Variants in ERAP2 observed in about 807,000 individuals in gnomAD.
ERAP2 encodes the protein endoplasmic reticulum aminopeptidase 2.
In ERAP2, 118 loss-of-function variants were observed where a neutral mutation model predicts 111.1. The observed-to-expected ratio is 1.06, with a 90% CI of 0.92 to 1.24. ERAP2 has a LOEUF of 1.24. Ranked by LOEUF, ERAP2 falls within the 50% of genes most tolerant of loss-of-function variation. The pLI is 0.00. For synonymous variants in ERAP2, 410 were observed against 401.2 expected (o/e 1.02, Z -0.26); for missense variants, 1,131 against 1,125.8 (o/e 1.00, Z -0.07).
rs964589384 is a variant in ERAP2 at position 96,902,996 on chromosome 5, C to A, written c.1829-381C>A. Among the ~76,000 whole-genome samples the A allele has an allele frequency of 5.3e-5, 8 of 152,250 alleles. No individual in the cohort carries two copies. In the South Asian group the frequency reaches 1.7e-3, roughly 32 times the overall value. On this transcript the variant is annotated intron_variant, in intron 12 of 18. Coordinates refer to ENST00000437043, the MANE Select transcript of ERAP2 (RefSeq NM_022350.5). ...TCTTTACTAAAATGAACAAATGGAT[C>A]ACCTATTTACACATACATATTTCAA...
At chr5:96,904,516 T>C (rs2548529) in intron 13 of ERAP2, among the ~76,000 whole-genome samples, 75,904 of 151,964 alleles carry the variant, frequency 0.5, 19,143 homozygotes, top group Admixed American at 0.57. Context: ...TAATCCTCAG[T>C]CCCGTGGGTC....
intron 13 of ERAP2, among the ~76,000 whole-genome samples, chr5:96,904,272 A>T (rs919236397): frequency 6.6e-6 from 1 of 152,214 alleles, no homozygotes; most frequent in African/African-American, 2.4e-5. Context: ...ATCAGGTCAC[A>T]AGATCACCAA....
At position 96,892,318 on chromosome 5, in the gene ERAP2, C is replaced by G; in HGVS notation, c.990C>G (p.Asp330Glu). 1 of 1,613,922 alleles carries G rather than the reference C, an allele frequency of 6.2e-7. No individual in the cohort carries two copies. The highest frequency in any genetic ancestry group is 8.5e-7 in the Non-Finnish European group (1 of 1,179,862). ...LSKLDLIAIP[D>E]FAPGAMENWG... The stretch of plus-strand genomic sequence containing the variant: ...TCTTAGATTTAATTGCTATTCCTGA[C>G]TTTGCACCTGGAGCCATGGAAAATT... The change falls in exon 6 of 19, where the codon GAC becomes GAG. Residue 330 changes from aspartate to glutamate, a missense_variant. Asp to Glu is a conservative substitution (Grantham distance 45). Transcript: ENST00000437043.
chr5:96,896,114 T>C, intron 7 of ERAP2, among the ~76,000 whole-genome samples: 1 of 152,158 alleles, frequency 6.6e-6, no homozygotes, highest in East Asian at 1.9e-4. Context: ...TTTATTTCTG[T>C]ATTCAAGGGC....
chr5:96,916,243 A>G (rs1581922739), intron 18 of ERAP2, among the ~76,000 whole-genome samples: 2 of 116,934 alleles, frequency 1.7e-5, no homozygotes, highest in South Asian at 5.4e-4. Context: ...AACAAAAACA[A>G]AAACAAAAAA....
intron 3 of ERAP2, among the ~76,000 whole-genome samples, chr5:96,884,959 A>G (rs982176398): frequency 7.4e-5 from 7 of 94,166 alleles, no homozygotes; most frequent in Non-Finnish European, 1.5e-4. Context: ...AGTGTTTTGT[A>G]CTTGAGATTA....
Position 96,879,839 on chromosome 5 carries a change from G to T in ERAP2, c.154G>T (p.Ala52Ser). ...SSYHFTEDPG[A>S]FPVATNGERF... ...TTATCACTTCACTGAGGATCCTGGG[G>T]CTTTCCCAGTAGCCACTAATGGGGA... The change falls in exon 2 of 19, where the codon GCT becomes TCT. Residue 52 changes from alanine to serine, a missense_variant. Physicochemically the swap from Ala to Ser is moderately conservative, Grantham distance 99. Coordinates refer to ENST00000437043, the MANE Select transcript of ERAP2 (RefSeq NM_022350.5). 1.2e-6 allele frequency: 2 copies of T among 1,614,078 alleles called. No individual in the cohort carries two copies. Among genetic ancestry groups the T allele is most frequent in the Non-Finnish European group, 1.7e-6 (2 of 1,180,018 alleles).
intron 1 of ERAP2, among the ~76,000 whole-genome samples, chr5:96,878,325 C>G (rs746872444): frequency 5.3e-5 from 8 of 152,094 alleles, no homozygotes; most frequent in Non-Finnish European, 8.8e-5. Context: ...CCTTGACCAG[C>G]AACCTTTACA....
intron 1 of ERAP2, among the ~76,000 whole-genome samples, chr5:96,877,893 C>T (rs757333444): frequency 6.6e-6 from 1 of 152,152 alleles, no homozygotes; most frequent in Non-Finnish European, 1.5e-5. Flanking sequence ...TTTAACAATA[C>T]CTGTCACCTG....
chr5:96,903,426 C>G lies in ERAP2; in HGVS notation c.1878C>G (p.Asp626Glu). ...CCAGTTGGGTGAAATTTAATGTGGA[C>G]TCAAATGGTTACTACATCGTTCACT... ...EKTSWVKFNV[D>E]SNGYYIVHYE... The change falls in exon 13 of 19, where the codon GAC becomes GAG. Residue 626 changes from aspartate to glutamate, a missense_variant. Around this residue, in one of 3 missense-constraint regions of ERAP2, gnomAD observed 847 missense variants for 856.5 expected, o/e 0.99. Coordinates refer to ENST00000437043, the MANE Select transcript of ERAP2 (RefSeq NM_022350.5). 1.2e-6 allele frequency: 2 copies of G among 1,613,822 alleles called. No homozygotes were observed. Among genetic ancestry groups the G allele is most frequent in the Non-Finnish European group, 1.7e-6 (2 of 1,179,888 alleles).
intron 5 of ERAP2, 47 bp from the exon 6 acceptor site, chr5:96,892,252 T>A: frequency 6.3e-7 from 1 of 1,595,774 alleles, no homozygotes; most frequent in Non-Finnish European, 8.6e-7. Flanking sequence ...ATTCTATTTC[T>A]GGTGTGGGAG....
chr5:96,909,683 C>T lies in ERAP2; in HGVS notation c.2273C>T (p.Ala758Val). ...CTCCGCTCGGCTCTCTTGAAGCTGGCCTGTGACCTGAACCATGCTCCTTGC... is the reference window on the plus strand; with the variant it reads ...CTCCGCTCGGCTCTCTTGAAGCTGGTCTGTGACCTGAACCATGCTCCTTGC... ...RMLRSALLKL[A>V]CDLNHAPCIQ... is the part of the protein sequence containing the mutation. The change falls in exon 15 of 19, where the codon GCC becomes GTC. Residue 758 changes from alanine to valine, a missense_variant. By Grantham distance (64) the Ala-to-Val change is moderately conservative (BLOSUM62 0). Transcript: ENST00000437043. 6.2e-7 allele frequency: 1 copy of T among 1,614,156 alleles called. No homozygotes were observed. Among genetic ancestry groups the T allele is most frequent in the Non-Finnish European group, 8.5e-7 (1 of 1,180,006 alleles).
intron 15 of ERAP2, chr5:96,910,415 T>C (rs1786594617): frequency 6.6e-6 from 1 of 152,110 alleles, no homozygotes; most frequent in Non-Finnish European, 1.5e-5. Flanking sequence ...TTTTGGACTT[T>C]TTTTCCTTGT....
At position 96,919,649 on chromosome 5, in the gene ERAP2, T is replaced by C. The variant is rs11954665; in HGVS notation, c.*2044T>C. On this transcript the variant is annotated 3_prime_UTR_variant, in exon 19 of 19. Coordinates refer to ENST00000437043, the MANE Select transcript of ERAP2 (RefSeq NM_022350.5). ...GCAATTTTATTATTTGATGATAATA[T>C]GAGAATTACTGTGCCAATACTGTTT... 895 of 152,324 alleles carry C rather than the reference T, an allele frequency of 5.9e-3. 16 individuals carry two copies. Among genetic ancestry groups the C allele is most frequent in the African/African-American group, 0.02 (843 of 41,570 alleles). 9.4% of individuals were successfully genotyped at this position (152,324 alleles called of 1,614,324 possible).
At chr5:96,917,154 T>G (rs561600341) in intron 18 of ERAP2, among the ~76,000 whole-genome samples, 1 of 152,350 alleles carries the variant, frequency 6.6e-6, no homozygotes, top group Admixed American at 6.5e-5. Flanking sequence ...TCAGCCAGGC[T>G]GGAGTGCAGT....
chr5:96,894,567 G>A (rs1167938180), intron 6 of ERAP2, among the ~76,000 whole-genome samples: 2 of 152,110 alleles, frequency 1.3e-5, no homozygotes. Context: ...TAAAAGAATA[G>A]TAATATTTAA....
Position 96,896,878 on chromosome 5 carries a change from G to A in ERAP2, c.1503+15G>A, listed in dbSNP as rs541851167. The stretch of plus-strand genomic sequence containing the variant: ...GTCTGTCAAATGTAAGTCATATGTT[G>A]GGTAACGATAGACTGTTATTTAATC... On this transcript the variant is annotated intron_variant, in intron 9 of 18. Transcript: ENST00000437043. 2.6e-6 allele frequency: 4 copies of A among 1,560,902 alleles called. No individual in the cohort carries two copies.
Position 96,912,873 on chromosome 5 carries a change from A to T in ERAP2, c.2516+75A>T. 3 of 1,267,282 alleles carry T rather than the reference A, an allele frequency of 2.4e-6. No homozygotes were observed. In the South Asian group the frequency reaches 4.1e-5, roughly 17 times the overall value. 78.5% of individuals were successfully genotyped at this position (1,267,282 alleles called of 1,614,324 possible). Reference sequence around the variant, plus strand: ...CAGTGAAGTCACTAAAACTTCAGCCACCAGTTTTAAAGGCATAAGATAATT... The same window carrying T: ...CAGTGAAGTCACTAAAACTTCAGCCTCCAGTTTTAAAGGCATAAGATAATT... On this transcript the variant is annotated intron_variant, in intron 16 of 18. Coordinates refer to ENST00000437043, the MANE Select transcript of ERAP2 (RefSeq NM_022350.5).
chr5:96,901,651 A>C lies in ERAP2; in HGVS notation c.1718A>C (p.Glu573Ala). 1 of 1,614,026 alleles carries C rather than the reference A, an allele frequency of 6.2e-7. No homozygotes were observed. The highest frequency in any genetic ancestry group is 8.5e-7 in the Non-Finnish European group (1 of 1,179,958). The stretch of plus-strand genomic sequence containing the variant: ...CGCTTCCTCCAGGGGGTTTTCCAGG[A>C]AGACCCTGAATGGAGGGCCCTGCAG... The part of the protein sequence containing the change: ...QERFLQGVFQ[E>A]DPEWRALQER... The change falls in exon 11 of 19, where the codon GAA becomes GCA. Residue 573 changes from glutamate to alanine, a missense_variant. By Grantham distance (107) the Glu-to-Ala change is moderately radical. Transcript: ENST00000437043.
Sources: allele counts gnomAD v4.1 joint callset (sites outside exome capture counted in the v4.1 genomes callset), GRCh38; gene constraint gnomAD v4.1.1; regional missense constraint gnomAD v4.1.1; transcripts MANE v1.5; gene names NCBI Gene and HGNC (gene_info 2026-07-23, HGNC 2026-07-21).